CACHD1: variants seen among roughly 807,000 people sequenced by gnomAD.
The protein encoded by CACHD1 is cache domain containing 1.
Under a neutral mutation model 138.7 loss-of-function variants are expected in CACHD1, and 71 were observed. The observed-to-expected ratio is 0.51, with a 90% CI of 0.42 to 0.62. CACHD1 has a LOEUF of 0.62. Among genes scored for constraint, CACHD1 ranks in the 20% least tolerant of loss-of-function variants. The pLI is 0.00. For synonymous variants in CACHD1, 578 were observed against 591.5 expected (o/e 0.98, Z 0.33); for missense variants, 1,389 against 1,625.3 (o/e 0.85, Z 2.50).
At chr1:64,620,229 T>A (rs1466604656) in intron 4 of CACHD1, among the ~76,000 whole-genome samples, 1 of 152,174 alleles carries the variant, frequency 6.6e-6, no homozygotes, top group Non-Finnish European at 1.5e-5. Context: ...TAATATAAAA[T>A]AGAGACCATA....
chr1:64,674,627 C>A (rs1200910682), intron 19 of CACHD1, among the ~76,000 whole-genome samples: 1 of 152,038 alleles, frequency 6.6e-6, no homozygotes, highest in African/African-American at 2.4e-5. Context: ...CTCTAAAAAC[C>A]CATTGAGTGC....
Position 64,608,383 on chromosome 1 carries a change from GT to G in CACHD1, c.517+5473del, listed in dbSNP as rs139366991. Among the ~76,000 whole-genome samples, 458 of 152,226 alleles carry G rather than the reference GT, an allele frequency of 3.0e-3. 2 individuals carry two copies. The highest frequency in any genetic ancestry group is 0.01 in the African/African-American group (435 of 41,528). On this transcript the variant is annotated intron_variant, in intron 4 of 26. Coordinates refer to ENST00000651257, the MANE Select transcript of CACHD1 (RefSeq NM_020925.4). Reference sequence around the variant, plus strand: ...AGAGCAGAATTAATGTACTTTGTAGGTTATCACATGTCTGATATTTACATCT... The same window carrying G: ...AGAGCAGAATTAATGTACTTTGTAGGTATCACATGTCTGATATTTACATCT...
At chr1:64,472,054 A>G (rs567742549) in intron 1 of CACHD1, among the ~76,000 whole-genome samples, 1 of 152,214 alleles carries the variant, frequency 6.6e-6, no homozygotes, top group East Asian at 1.9e-4. Flanking sequence ...TGGTCTTCGA[A>G]AGATTGAAGT....
chr1:64,557,610 C>T (rs532383014), intron 2 of CACHD1, among the ~76,000 whole-genome samples: 42 of 152,026 alleles, frequency 2.8e-4, no homozygotes, highest in Non-Finnish European at 4.6e-4. Flanking sequence ...TATCCATCAC[C>T]ACGTAAACAC....
intron 17 of CACHD1, 100 bp from the exon 18 acceptor site, chr1:64,673,058 C>T: frequency 1.1e-6 from 1 of 942,818 alleles, no homozygotes; most frequent in South Asian, 1.4e-5. Context: ...GGGATAAATG[C>T]AGTTTGTTTC....
chr1:64,637,485 T>C (rs1648565412), intron 7 of CACHD1, among the ~76,000 whole-genome samples: 1 of 152,212 alleles, frequency 6.6e-6, no homozygotes, highest in East Asian at 1.9e-4. Context: ...TGTTCCAGCT[T>C]TAAAACTGTG....
intron 3 of CACHD1, among the ~76,000 whole-genome samples, chr1:64,597,528 T>G (rs866918303): frequency 0.05 from 7,093 of 142,494 alleles, 283 homozygotes; most frequent in Admixed American, 0.089. Context: ...TTTGTTGTTT[T>G]TTTTTTTTTT....
At chr1:64,506,355 C>T (rs924651326) in intron 1 of CACHD1, 2 of 152,238 alleles carry the variant, frequency 1.3e-5, no homozygotes, top group South Asian at 2.1e-4. Flanking sequence ...GCTAAATACT[C>T]TTACCTGCGT....
chr1:64,547,074 T>C (rs1465015326), intron 1 of CACHD1, among the ~76,000 whole-genome samples: 1 of 152,188 alleles, frequency 6.6e-6, no homozygotes, highest in East Asian at 1.9e-4. Context: ...CCTCAATGCT[T>C]TAACTTTTTA....
chr1:64,649,725 T>C (rs1408930332), intron 9 of CACHD1, among the ~76,000 whole-genome samples: 1 of 152,152 alleles, frequency 6.6e-6, no homozygotes, highest in African/African-American at 2.4e-5. Flanking sequence ...CCCTCCTAAA[T>C]CCAGAGAGCT....
intron 1 of CACHD1, among the ~76,000 whole-genome samples, chr1:64,483,983 C>T (rs752221395): frequency 1.3e-5 from 2 of 152,002 alleles, no homozygotes; most frequent in African/African-American, 2.4e-5. Flanking sequence ...CTTGCCAACC[C>T]TCTTTGAAAC....
intron 1 of CACHD1, among the ~76,000 whole-genome samples, chr1:64,517,299 A>C (rs1646465958): frequency 6.6e-6 from 1 of 152,180 alleles, no homozygotes; most frequent in Non-Finnish European, 1.5e-5. Context: ...TTCTGCATGG[A>C]GGTTACATTC....
At chr1:64,571,607 C>T (rs543766384) in intron 2 of CACHD1, among the ~76,000 whole-genome samples, 1 of 152,280 alleles carries the variant, frequency 6.6e-6, no homozygotes, top group South Asian at 2.1e-4. Flanking sequence ...ATACTTGTTT[C>T]CTTGCCAGTG....
chr1:64,685,142 G>A (rs1172638970), intron 26 of CACHD1, among the ~76,000 whole-genome samples: 3 of 152,028 alleles, frequency 2.0e-5, no homozygotes, highest in Admixed American at 1.3e-4. Flanking sequence ...CTTTTATACG[G>A]TATTTTTCTG....
intron 12 of CACHD1, 124 bp from the exon 13 acceptor site, chr1:64,658,581 T>C: frequency 1.6e-6 from 1 of 628,122 alleles, no homozygotes; most frequent in Non-Finnish European, 2.7e-6. Flanking sequence ...ATTCATCCCA[T>C]ATTTAATGAA....
intron 1 of CACHD1, among the ~76,000 whole-genome samples, chr1:64,489,144 AT>A (rs528198122): frequency 1.3e-3 from 197 of 152,246 alleles, no homozygotes; most frequent in Non-Finnish European, 2.5e-3. Context: ...TATTTATGGC[AT>A]TTTTAGACAG....
intron 2 of CACHD1, among the ~76,000 whole-genome samples, chr1:64,556,855 C>CT (rs1399610940): frequency 2.0e-5 from 3 of 152,154 alleles, no homozygotes; most frequent in Non-Finnish European, 4.4e-5. Context: ...CTCTCATAGA[C>CT]TTCATTTTTT....
chr1:64,586,951 G>A (rs1057482173), intron 3 of CACHD1, among the ~76,000 whole-genome samples: 1 of 152,130 alleles, frequency 6.6e-6, no homozygotes, highest in Non-Finnish European at 1.5e-5. Context: ...CTTTAAAACC[G>A]TTTATGCCTA....
At chr1:64,601,320 C>A (rs1388750700) in intron 3 of CACHD1, among the ~76,000 whole-genome samples, 1 of 152,168 alleles carries the variant, frequency 6.6e-6, no homozygotes, top group Non-Finnish European at 1.5e-5. Context: ...GTGATAGTGC[C>A]TTGCCAGCAT....
Sources: allele counts gnomAD v4.1 joint callset (sites outside exome capture counted in the v4.1 genomes callset), GRCh38; gene constraint gnomAD v4.1.1; transcripts MANE v1.5; gene names NCBI Gene and HGNC (gene_info 2026-07-23, HGNC 2026-07-21).